The following FSTL5 variants were observed in gnomAD, a reference collection of about 807,000 sequenced individuals.
FSTL5 encodes the protein follistatin-related protein 5.
In FSTL5, 62 loss-of-function variants were observed where a neutral mutation model predicts 89.1. The ratio of observed to expected loss-of-function variants is 0.70; its 90% CI spans 0.57 to 0.86. FSTL5 has a LOEUF of 0.86. FSTL5 is among the 40% of genes least tolerant of loss of function. The probability of loss-of-function intolerance (pLI) is 0.00; values close to 1 mark genes in which losing one functional copy is unlikely to be tolerated. For missense variants in FSTL5, 1,057 were observed against 1,001.6 expected (o/e 1.06, Z -0.75); for synonymous variants, 383 against 346.2 (o/e 1.11, Z -1.18).
intron 8 of FSTL5, among the ~76,000 whole-genome samples, chr4:161,554,133 T>C (rs1264336783): frequency 2.0e-5 from 3 of 151,542 alleles, no homozygotes; most frequent in South Asian, 4.1e-4. Context: ...AAAGTATATT[T>C]ACATTTACAC....
chr4:161,846,582 C>T (rs1244362944), intron 4 of FSTL5, among the ~76,000 whole-genome samples: 1 of 152,138 alleles, frequency 6.6e-6, no homozygotes, highest in Non-Finnish European at 1.5e-5. Flanking sequence ...AATGCACATT[C>T]ATTAACCAAT....
chr4:161,421,312 G>A (rs1053797137), intron 15 of FSTL5, among the ~76,000 whole-genome samples: 2 of 149,924 alleles, frequency 1.3e-5, no homozygotes, highest in African/African-American at 4.9e-5. Context: ...CTGCACTCCA[G>A]CCTGGGCTAC....
At position 162,096,243 on chromosome 4, in the gene FSTL5, T is replaced by C. The variant is rs28479608; in HGVS notation, c.126+15028A>G. ...CTTCATCCTTCAAAGACTTGATTCA[T>C]GGAACTAGCTAAAAACCATCTGAAA... On this transcript the variant is annotated intron_variant, in intron 2 of 15. Transcript: ENST00000306100. 9.7e-3 allele frequency among the ~76,000 whole-genome samples: 1,469 copies of C among 152,054 alleles called. 26 individuals carry two copies. Among genetic ancestry groups the C allele is most frequent in the African/African-American group, 0.033 (1,353 of 41,552 alleles).
At chr4:161,784,817 C>A (rs1287581638) in intron 4 of FSTL5, among the ~76,000 whole-genome samples, 1 of 141,046 alleles carries the variant, frequency 7.1e-6, no homozygotes, top group Non-Finnish European at 1.5e-5. Flanking sequence ...TGGCGTGAAC[C>A]CAGGAGGCGG....
intron 11 of FSTL5, among the ~76,000 whole-genome samples, chr4:161,507,262 A>G (rs1222961503): frequency 1.3e-5 from 2 of 151,710 alleles, no homozygotes; most frequent in African/African-American, 4.9e-5. Flanking sequence ...ACCTCATAAC[A>G]TAATCTAATT....
At chr4:161,398,874 A>G (rs1475104678) in intron 15 of FSTL5, among the ~76,000 whole-genome samples, 2 of 152,116 alleles carry the variant, frequency 1.3e-5, no homozygotes, top group African/African-American at 2.4e-5. Context: ...ATGCATGAAT[A>G]CAATCTTCAC....
At chr4:161,665,344 C>T (rs138946534) in intron 6 of FSTL5, among the ~76,000 whole-genome samples, 2,902 of 152,216 alleles carry the variant, frequency 0.019, 76 homozygotes, top group African/African-American at 0.065. Context: ...CAGGTTCACG[C>T]CATTCTCCTC....
intron 10 of FSTL5, among the ~76,000 whole-genome samples, chr4:161,530,668 A>T (rs1423204327): frequency 6.6e-6 from 1 of 151,988 alleles, no homozygotes; most frequent in African/African-American, 2.4e-5. Context: ...TTAGACCGTA[A>T]AATTCTATTA....
In FSTL5 at chr4:161,384,350, A is replaced by G. The variant is rs1730538788; in HGVS notation, c.*1397T>C. On this transcript the variant is annotated 3_prime_UTR_variant, in exon 16 of 16. Transcript: ENST00000306100. Reference sequence around the variant, plus strand: ...TTTTGCAACAATAAAAACAAAAATAAGTACAAGGATTTTCAAAACATGTAA... The same window carrying G: ...TTTTGCAACAATAAAAACAAAAATAGGTACAAGGATTTTCAAAACATGTAA... The G allele has an allele frequency of 6.6e-6, 1 of 152,198 alleles. No individual in the cohort carries two copies. Among genetic ancestry groups the G allele is most frequent in the Non-Finnish European group, 1.5e-5 (1 of 68,000 alleles). The allele number at this position is 152,198 out of a possible 1,614,324, so 9.4% of individuals were successfully genotyped here. A position where few individuals can be genotyped will look rare whatever the true frequency, so the allele number is the denominator to read the frequency against.
At chr4:161,424,622 AT>A (rs1732110088) in intron 15 of FSTL5, among the ~76,000 whole-genome samples, 1 of 150,620 alleles carries the variant, frequency 6.6e-6, no homozygotes, top group Non-Finnish European at 1.5e-5. Context: ...CTTCTCTCTT[AT>A]TTTTCTCCAA....
At chr4:161,743,133 T>C (rs1227353398) in intron 6 of FSTL5, among the ~76,000 whole-genome samples, 1 of 152,180 alleles carries the variant, frequency 6.6e-6, no homozygotes, top group Non-Finnish European at 1.5e-5. Flanking sequence ...CATAAAACAT[T>C]ACCAAAGCCA....
chr4:161,436,957 G>C (rs533242193), intron 15 of FSTL5, among the ~76,000 whole-genome samples: 35 of 152,244 alleles, frequency 2.3e-4, no homozygotes, highest in African/African-American at 8.2e-4. Context: ...AATAAACTAT[G>C]TATTGGGAAT....
intron 3 of FSTL5, among the ~76,000 whole-genome samples, chr4:162,027,526 CA>C (rs1384530269): frequency 6.6e-6 from 1 of 151,860 alleles, no homozygotes; most frequent in Non-Finnish European, 1.5e-5. Context: ...ATTTTTATTT[CA>C]AAAACTTGCA....
intron 1 of FSTL5, among the ~76,000 whole-genome samples, chr4:162,132,644 T>A (rs1168895305): frequency 6.6e-6 from 1 of 152,180 alleles, no homozygotes; most frequent in Non-Finnish European, 1.5e-5. Context: ...CATCTATGCC[T>A]ACTGCATAGA....
chr4:162,016,901 C>T (rs979887752), intron 3 of FSTL5, among the ~76,000 whole-genome samples: 2 of 152,278 alleles, frequency 1.3e-5, no homozygotes, highest in East Asian at 3.9e-4. Context: ...AGACAGATAT[C>T]TACACTAACC....
chr4:161,925,784 G>C (rs1012086625), intron 3 of FSTL5, among the ~76,000 whole-genome samples: 139 of 131,250 alleles, frequency 1.1e-3, no homozygotes, highest in Middle Eastern at 3.8e-3. Context: ...GCCCTCTACA[G>C]CTCTTGTTAT....
intron 4 of FSTL5, among the ~76,000 whole-genome samples, chr4:161,899,257 TATC>T (rs982416086): frequency 2.6e-5 from 4 of 151,792 alleles, no homozygotes; most frequent in Non-Finnish European, 4.4e-5. Flanking sequence ...ATGAGAAAAA[TATC>T]ATCCCGATGG....
intron 4 of FSTL5, among the ~76,000 whole-genome samples, chr4:161,857,518 A>G (rs1731759246): frequency 6.6e-6 from 1 of 152,184 alleles, no homozygotes; most frequent in Admixed American, 6.5e-5. Context: ...CAGTCTTTTC[A>G]TGGAGCTAAC....
intron 7 of FSTL5, among the ~76,000 whole-genome samples, chr4:161,604,558 A>G (rs1734370403): frequency 6.6e-6 from 1 of 152,174 alleles, no homozygotes; most frequent in Non-Finnish European, 1.5e-5. Context: ...CTCTAGCACT[A>G]TTGAGATCCA....
Sources: allele counts gnomAD v4.1 joint callset (sites outside exome capture counted in the v4.1 genomes callset), GRCh38; gene constraint gnomAD v4.1.1; transcripts MANE v1.5; gene names NCBI Gene and HGNC (gene_info 2026-07-23, HGNC 2026-07-21).